Variants in EPHA5 observed in about 807,000 individuals in gnomAD.
EPHA5 encodes the protein ephrin type-A receptor 5.
A neutral mutation model predicts 105.0 loss-of-function variants in EPHA5; 60 were observed. The ratio of observed to expected loss-of-function variants is 0.57; its 90% CI spans 0.46 to 0.71. The LOEUF (loss-of-function observed/expected upper bound fraction) is 0.71, where lower values mean the gene tolerates loss of function less well. EPHA5 is among the 30% of genes least tolerant of loss of function. The pLI is 0.00. For synonymous variants in EPHA5, 513 were observed against 449.1 expected (o/e 1.14, Z -1.80); for missense variants, 1,218 against 1,274.7 (o/e 0.96, Z 0.68).
intron 5 of EPHA5, among the ~76,000 whole-genome samples, chr4:65,472,639 C>A (rs1729402972): frequency 6.6e-6 from 1 of 152,188 alleles, no homozygotes; most frequent in Non-Finnish European, 1.5e-5. Flanking sequence ...GCAAGCTGTA[C>A]CTTGGCACCT....
intron 8 of EPHA5, among the ~76,000 whole-genome samples, chr4:65,369,143 A>T (rs957408117): frequency 1.8e-4 from 27 of 152,230 alleles, no homozygotes; most frequent in African/African-American, 6.5e-4. Context: ...CCTGACTCAG[A>T]GTTGGCACTA....
chr4:65,558,343 C>G (rs374943895), intron 3 of EPHA5, among the ~76,000 whole-genome samples: 91 of 152,194 alleles, frequency 6.0e-4, no homozygotes, highest in African/African-American at 2.0e-3. Flanking sequence ...TTCATAAAAA[C>G]TAAACCTAAA....
At chr4:65,386,692 ATTG>A (rs1720125153) in intron 8 of EPHA5, among the ~76,000 whole-genome samples, 2 of 152,114 alleles carry the variant, frequency 1.3e-5, no homozygotes, top group African/African-American at 2.4e-5. Context: ...TAAATTTTAT[ATTG>A]TTATGTTAAG....
In EPHA5 at chr4:65,365,956, T is replaced by G. The variant is rs766091341; in HGVS notation, c.1963A>C (p.Thr655Pro). The G allele has an allele frequency of 6.2e-7, 1 of 1,608,376 alleles. No homozygotes were observed. Among genetic ancestry groups the G allele is most frequent in the Admixed American group, 1.7e-5 (1 of 59,828 alleles). ...CCTGCTCCAATAACTCTCTCAATGG[T>G]GATACATGATGCTTCTATCTCCTTA... ...FAKEIEASCI[T>P]IERVIGAGEF... Residue 655 changes from threonine to proline, a missense_variant, in exon 10 of 17, where the codon ACC becomes CCC. Physicochemically the swap from Thr to Pro is conservative, Grantham distance 38 (BLOSUM62 -1). Transcript: ENST00000613740.
intron 1 of EPHA5, among the ~76,000 whole-genome samples, chr4:65,656,084 A>G (rs143059293): frequency 7.7e-5 from 11 of 142,984 alleles, no homozygotes; most frequent in Non-Finnish European, 4.6e-5. Flanking sequence ...TGATTTAGGT[A>G]TTAGGTTTCC....
intron 3 of EPHA5, among the ~76,000 whole-genome samples, chr4:65,586,490 G>C (rs542671487): frequency 5.6e-4 from 85 of 151,896 alleles, no homozygotes; most frequent in African/African-American, 2.0e-3. Flanking sequence ...ACAGGTAGCA[G>C]TTACTATTTT....
intron 3 of EPHA5, among the ~76,000 whole-genome samples, chr4:65,520,316 C>G (rs573380368): frequency 8.6e-5 from 13 of 151,928 alleles, no homozygotes; most frequent in African/African-American, 2.2e-4. Context: ...GGGAAAACTG[C>G]CTAGCCATAT....
At chr4:65,327,645 T>C (rs1050899602) in intron 16 of EPHA5, among the ~76,000 whole-genome samples, 2 of 151,290 alleles carry the variant, frequency 1.3e-5, no homozygotes, top group African/African-American at 4.8e-5. Flanking sequence ...TGATTTTCAG[T>C]GAAAACATGG....
intron 8 of EPHA5, among the ~76,000 whole-genome samples, chr4:65,385,600 A>G (rs185092623): frequency 3.3e-5 from 5 of 151,978 alleles, no homozygotes; most frequent in African/African-American, 1.2e-4. Flanking sequence ...ATCACATATT[A>G]TAATAGTTGC....
At chr4:65,662,553 T>A (rs1000406455) in intron 1 of EPHA5, among the ~76,000 whole-genome samples, 1 of 152,032 alleles carries the variant, frequency 6.6e-6, no homozygotes, top group African/African-American at 2.4e-5. Flanking sequence ...ACAAAACAGA[T>A]CTTACAGAGA....
chr4:65,571,321 T>TAA (rs55885870), intron 3 of EPHA5, among the ~76,000 whole-genome samples: 3 of 140,270 alleles, frequency 2.1e-5, no homozygotes, highest in Non-Finnish European at 3.1e-5. Context: ...TGTTTACAAG[T>TAA]AAAAAAAAAA....
intron 3 of EPHA5, among the ~76,000 whole-genome samples, chr4:65,588,043 G>A (rs1742287748): frequency 6.6e-6 from 1 of 152,190 alleles, no homozygotes; most frequent in South Asian, 2.1e-4. Flanking sequence ...AAACACACTG[G>A]GTTCAAATGT....
chr4:65,390,380 A>G (rs1209564863), intron 8 of EPHA5, among the ~76,000 whole-genome samples: 1 of 151,968 alleles, frequency 6.6e-6, no homozygotes, highest in African/African-American at 2.4e-5. Context: ...AGAAACACCA[A>G]CAAAGGCTCA....
intron 5 of EPHA5, among the ~76,000 whole-genome samples, chr4:65,421,071 G>A (rs1045555562): frequency 1.3e-5 from 2 of 151,878 alleles, no homozygotes; most frequent in Admixed American, 1.3e-4. Context: ...TGCCACCAAA[G>A]ATATGATACA....
intron 3 of EPHA5, among the ~76,000 whole-genome samples, chr4:65,586,395 G>A (rs1311862190): frequency 6.6e-6 from 1 of 151,418 alleles, no homozygotes; most frequent in Non-Finnish European, 1.5e-5. Flanking sequence ...AACATATATA[G>A]TCATATGAAT....
chr4:65,461,388 T>G (rs1728106557), intron 5 of EPHA5, among the ~76,000 whole-genome samples: 1 of 151,988 alleles, frequency 6.6e-6, no homozygotes, highest in Admixed American at 6.6e-5. Flanking sequence ...AACAGAAAAT[T>G]TATATTACTG....
intron 5 of EPHA5, among the ~76,000 whole-genome samples, chr4:65,452,531 G>A (rs1288240551): frequency 5.3e-5 from 8 of 150,358 alleles, no homozygotes; most frequent in Admixed American, 4.6e-4. Flanking sequence ...GATGGAGACT[G>A]ATTATTGCTA....
chr4:65,503,816 G>T (rs1387200312), intron 3 of EPHA5, among the ~76,000 whole-genome samples: 1 of 151,044 alleles, frequency 6.6e-6, no homozygotes, highest in Non-Finnish European at 1.5e-5. Context: ...CACATATTTA[G>T]AAACACACTA....
intron 1 of EPHA5, among the ~76,000 whole-genome samples, chr4:65,668,468 T>G (rs1750150895): frequency 6.6e-6 from 1 of 152,112 alleles, no homozygotes; most frequent in Admixed American, 6.5e-5. Context: ...AGCTGACAGA[T>G]CTGGATCTGA....
Sources: gnomAD v4.1 joint callset for allele counts (sites outside exome capture counted in the v4.1 genomes callset) on GRCh38, gnomAD v4.1.1 for gene constraint, MANE v1.5 for transcripts, NCBI Gene and HGNC (gene_info 2026-07-23, HGNC 2026-07-21) for gene names.